The following DDX10 variants were observed in gnomAD, a reference collection of about 807,000 sequenced individuals.
DDX10 encodes the protein probable ATP-dependent RNA helicase DDX10.
In DDX10, 74 loss-of-function variants were observed where a neutral mutation model predicts 104.3. The ratio of observed to expected loss-of-function variants is 0.71; its 90% CI spans 0.59 to 0.86. The LOEUF is 0.86. Among genes scored for constraint, DDX10 ranks in the 40% least tolerant of loss-of-function variants. DDX10 has a pLI of 0.00. For missense variants in DDX10, 952 were observed against 1,040.0 expected, an observed-to-expected ratio of 0.92 and a Z score of 1.16; for synonymous variants, 351 against 353.4, an observed-to-expected ratio of 0.99 and a Z score of 0.08.
chr11:108,836,351 G>T (rs34354308), intron 13 of DDX10, among the ~76,000 whole-genome samples: 18,878 of 152,200 alleles, frequency 0.12, 1,391 homozygotes, highest in East Asian at 0.25. Context: ...CAACTTTCTT[G>T]TAGTTAAATC....
intron 1 of DDX10, among the ~76,000 whole-genome samples, chr11:108,671,672 AACTTT>A (rs1165999238): frequency 2.0e-5 from 3 of 152,176 alleles, no homozygotes; most frequent in Non-Finnish European, 4.4e-5. Flanking sequence ...GCTCGAATAA[AACTTT>A]ACTTACTAAA....
At chr11:108,870,000 T>C (rs998301672) in intron 16 of DDX10, among the ~76,000 whole-genome samples, 5 of 151,464 alleles carry the variant, frequency 3.3e-5, no homozygotes, top group African/African-American at 1.2e-4. Flanking sequence ...ATCTGGAGTT[T>C]AGTTAATAGT....
At chr11:108,898,871 T>G (rs558768548) in intron 16 of DDX10, among the ~76,000 whole-genome samples, 2 of 152,258 alleles carry the variant, frequency 1.3e-5, no homozygotes, top group East Asian at 3.9e-4. Flanking sequence ...GAACTTCCCC[T>G]TTGCCTTCTG....
intron 13 of DDX10, among the ~76,000 whole-genome samples, chr11:108,779,865 A>G (rs769662322): frequency 1.3e-4 from 20 of 152,110 alleles, no homozygotes; most frequent in Non-Finnish European, 2.8e-4. Flanking sequence ...ACTTGGAGGT[A>G]AACTGGAGCA....
rs548620264 is a variant in DDX10, at chr11:108,909,919, A to T, written c.2305-7954A>T. On this transcript the variant is annotated intron_variant, in intron 16 of 17. Transcript: ENST00000322536. ...GGAAAGAGGCTTGACTAGTGCCGGT[A>T]TCTGAAAGAACGTGTTGTAAACAGG... 9.8e-5 allele frequency among the ~76,000 whole-genome samples: 15 copies of T among 152,346 alleles called. No individual in the cohort carries two copies. In the South Asian group the frequency reaches 3.1e-3, roughly 32 times the overall value.
At chr11:108,874,645 TACAAGTG>T (rs1863128262) in intron 16 of DDX10, among the ~76,000 whole-genome samples, 1 of 152,268 alleles carries the variant, frequency 6.6e-6, no homozygotes, top group Non-Finnish European at 1.5e-5. Context: ...ATGCTGGGAC[TACAAGTG>T]ACAGTTGCTT....
In DDX10 at chr11:108,841,443, A is replaced by G; in HGVS notation, c.2214A>G (p.Glu738=). 1 of 1,613,964 alleles carries G rather than the reference A, an allele frequency of 6.2e-7. No homozygotes were observed. The highest frequency in any genetic ancestry group is 8.5e-7 in the Non-Finnish European group (1 of 1,179,886). ...AGGAAGAGGACAAATTTGACAAAGA[A>G]GAATATAGGAAAAAAATTAAGGCAA... ...RLQEEDKFDK[E]EYRKKIKAKH... The change falls in exon 15 of 18, where the codon GAA becomes GAG. Residue 738 remains glutamate (E), a synonymous_variant. Transcript: ENST00000322536.
At chr11:108,819,909 T>C (rs1470167765) in intron 13 of DDX10, among the ~76,000 whole-genome samples, 1 of 152,174 alleles carries the variant, frequency 6.6e-6, no homozygotes, top group African/African-American at 2.4e-5. Context: ...CCCATACGCC[T>C]ATTTCTGAGG....
At chr11:108,858,569 C>CT (rs1167758461) in intron 16 of DDX10, among the ~76,000 whole-genome samples, 1 of 152,152 alleles carries the variant, frequency 6.6e-6, no homozygotes, top group Non-Finnish European at 1.5e-5. Flanking sequence ...TCCTACTTCC[C>CT]TTCTACCCCA....
chr11:108,735,117 G>A lies in DDX10; in HGVS notation c.1965+11655G>A, dbSNP rs375794646. On this transcript the variant is annotated intron_variant, in intron 13 of 17. Coordinates refer to ENST00000322536, the MANE Select transcript of DDX10 (RefSeq NM_004398.4). Reference sequence around the variant, plus strand: ...CTTTTCAATGCATATTTTGAAACACGGTTTCAAGTCCAAGGCAACATCTGA... The same window carrying A: ...CTTTTCAATGCATATTTTGAAACACAGTTTCAAGTCCAAGGCAACATCTGA... 7.7e-4 allele frequency among the ~76,000 whole-genome samples: 117 copies of A among 152,234 alleles called. No individual in the cohort carries two copies. The South Asian group carries it at 0.021, about 27-fold the overall frequency.
Position 108,693,574 on chromosome 11 carries a change from T to C in DDX10, c.1197T>C (p.Tyr399=). The C allele has an allele frequency of 2.5e-6, 4 of 1,614,088 alleles. No individual in the cohort carries two copies. The highest frequency in any genetic ancestry group is 1.6e-4 in the Middle Eastern group (1 of 6,062). The change falls in exon 9 of 18, where the codon TAT becomes TAC. Residue 399 remains tyrosine, a synonymous_variant. Coordinates refer to ENST00000322536, the MANE Select transcript of DDX10 (RefSeq NM_004398.4). ...ATTGTCCTGAGGATGCCAACACATA[T>C]ATTCACAGAGCAGGTAGAACTGCCA... is the stretch of plus-strand genomic sequence containing the variant. The part of the protein sequence containing the change: ...QFDCPEDANT[Y]IHRAGRTARY...
intron 10 of DDX10, among the ~76,000 whole-genome samples, chr11:108,714,155 G>A (rs2094288270): frequency 1.3e-5 from 2 of 152,350 alleles, no homozygotes; most frequent in Non-Finnish European, 1.5e-5. Context: ...ACTTGGTTGA[G>A]CTCCTGGAGT....
intron 13 of DDX10, among the ~76,000 whole-genome samples, chr11:108,743,015 C>T (rs1275719531): frequency 6.6e-6 from 1 of 152,128 alleles, no homozygotes; most frequent in Non-Finnish European, 1.5e-5. Context: ...GGAGAAGGGA[C>T]CTCCTCCTGA....
intron 17 of DDX10, among the ~76,000 whole-genome samples, chr11:108,934,212 T>G (rs950290798): frequency 2.0e-5 from 3 of 152,172 alleles, no homozygotes; most frequent in Admixed American, 2.0e-4. Flanking sequence ...ATTTGAGAGA[T>G]GATCAATTCA....
At chr11:108,875,021 G>A (rs1006669495) in intron 16 of DDX10, among the ~76,000 whole-genome samples, 2 of 152,098 alleles carry the variant, frequency 1.3e-5, no homozygotes, top group African/African-American at 4.8e-5. Flanking sequence ...ATTAAATGAA[G>A]TAACGCATGT....
At chr11:108,719,591 G>C (rs1483448060) in intron 11 of DDX10, among the ~76,000 whole-genome samples, 1 of 152,074 alleles carries the variant, frequency 6.6e-6, no homozygotes, top group African/African-American at 2.4e-5. Flanking sequence ...GGGTTAGGTT[G>C]GCTTGAAACC....
rs185239648 is a variant in DDX10, at chr11:108,890,447, C to T, written c.2305-27426C>T. 2.0e-4 allele frequency among the ~76,000 whole-genome samples: 30 copies of T among 152,136 alleles called. No individual in the cohort carries two copies. In the South Asian group the frequency reaches 2.5e-3, roughly 13 times the overall value. ...CCCTCGGCTATTCCTATTCCAGAGCCGCTACTTTGCTCTCAAGTCCTCTGA... is the reference window on the plus strand; with the variant it reads ...CCCTCGGCTATTCCTATTCCAGAGCTGCTACTTTGCTCTCAAGTCCTCTGA... On this transcript the variant is annotated intron_variant, in intron 16 of 17. Coordinates refer to ENST00000322536, the MANE Select transcript of DDX10 (RefSeq NM_004398.4).
At chr11:108,798,874 T>C (rs973654089) in intron 13 of DDX10, among the ~76,000 whole-genome samples, 15 of 152,282 alleles carry the variant, frequency 9.9e-5, no homozygotes, top group East Asian at 5.8e-4. Flanking sequence ...TATCTTTTCA[T>C]TGAAAGCCTG....
At position 108,715,861 on chromosome 11, in the gene DDX10, T is replaced by C; in HGVS notation, c.1323-18T>C. On this transcript the variant is annotated intron_variant, in intron 10 of 17. Transcript: ENST00000322536. ...ATTTGAGATATCTTATTTTAACCTT[T>C]ATCTTTTTGTTACAAAGAATCAATC... 1 of 1,297,898 alleles carries C rather than the reference T, an allele frequency of 7.7e-7. No homozygotes were observed. 80.4% of individuals were successfully genotyped at this position (1,297,898 alleles called of 1,614,324 possible).
Sources: gnomAD v4.1 joint callset for allele counts (sites outside exome capture counted in the v4.1 genomes callset) on GRCh38, gnomAD v4.1.1 for gene constraint, MANE v1.5 for transcripts, NCBI Gene and HGNC (gene_info 2026-07-23, HGNC 2026-07-21) for gene names.